The following SFMBT2 variants were observed in gnomAD, a reference collection of about 807,000 sequenced individuals.
SFMBT2 encodes scm-like with four MBT domains protein 2.
In SFMBT2, 38 loss-of-function variants were observed where a neutral mutation model predicts 110.1. The observed-to-expected ratio is 0.35, with a 90% CI of 0.27 to 0.45. The LOEUF is 0.45. Among genes scored for constraint, SFMBT2 ranks in the 20% least tolerant of loss-of-function variants. SFMBT2 has a pLI of 1.00. For synonymous variants in SFMBT2, 425 were observed against 425.4 expected, an observed-to-expected ratio of 1.00 and a Z score of 0.01; for missense variants, 1,011 against 1,094.9, an observed-to-expected ratio of 0.92 and a Z score of 1.08.
chr10:7,392,485 A>AG (rs1845795557), intron 1 of SFMBT2, among the ~76,000 whole-genome samples: 1 of 152,206 alleles, frequency 6.6e-6, no homozygotes, highest in South Asian at 2.1e-4. Flanking sequence ...ACTGCACTCC[A>AG]GCCTGGACAA....
intron 9 of SFMBT2, among the ~76,000 whole-genome samples, chr10:7,233,612 G>A (rs770996735): frequency 6.6e-6 from 1 of 152,218 alleles, no homozygotes; most frequent in South Asian, 2.1e-4. Context: ...GTGCATAAAT[G>A]TTGATGCAAC....
chr10:7,218,694 G>A (rs1159691121), intron 11 of SFMBT2, among the ~76,000 whole-genome samples: 1 of 152,184 alleles, frequency 6.6e-6, no homozygotes, highest in East Asian at 1.9e-4. Flanking sequence ...TCAAAAATCT[G>A]TATTCAAAGA....
At chr10:7,254,497 G>T (rs781334763) in intron 7 of SFMBT2, among the ~76,000 whole-genome samples, 5 of 152,102 alleles carry the variant, frequency 3.3e-5, no homozygotes, top group Non-Finnish European at 5.9e-5. Context: ...GCTTAATTTG[G>T]AAGACGAAAA....
chr10:7,264,055 G>C (rs1841304972), intron 7 of SFMBT2: 1 of 244,082 alleles, frequency 4.1e-6, no homozygotes. Flanking sequence ...GCTATGAGCA[G>C]CATGAACACT....
intron 4 of SFMBT2, among the ~76,000 whole-genome samples, chr10:7,351,333 CTTA>C (rs1343875706): frequency 3.3e-5 from 5 of 152,192 alleles, no homozygotes; most frequent in Admixed American, 3.3e-4. Context: ...AAATACCATC[CTTA>C]ACCAGAAGAA....
At chr10:7,351,507 G>C (rs1011890823) in intron 4 of SFMBT2, among the ~76,000 whole-genome samples, 1 of 152,220 alleles carries the variant, frequency 6.6e-6, no homozygotes, top group Non-Finnish European at 1.5e-5. Flanking sequence ...AAAGTTGAGA[G>C]AGAAAATACC....
At chr10:7,344,497 C>A (rs1237140233) in intron 4 of SFMBT2, among the ~76,000 whole-genome samples, 1 of 152,084 alleles carries the variant, frequency 6.6e-6, no homozygotes, top group Admixed American at 6.6e-5. Context: ...TGTGAGGCTT[C>A]CCCAGCTATG....
chr10:7,228,699 CTTTCTTTCTTTCT>C (rs1056168722), intron 9 of SFMBT2, among the ~76,000 whole-genome samples: 21 of 132,342 alleles, frequency 1.6e-4, no homozygotes, highest in Non-Finnish European at 2.7e-4. Flanking sequence ...TTCTTTCTTT[CTTTCTTTCTTTCT>C]TTCTTTCTTT....
intron 9 of SFMBT2, among the ~76,000 whole-genome samples, chr10:7,242,393 C>A (rs993331904): frequency 6.6e-6 from 1 of 152,178 alleles, no homozygotes; most frequent in Admixed American, 6.5e-5. Context: ...CCAAGCTCTG[C>A]CTGGAGACCT....
At chr10:7,320,605 T>C (rs1338950550) in intron 4 of SFMBT2, 1 of 985,152 alleles carries the variant, frequency 1.0e-6, no homozygotes. Context: ...AGAGCCAATA[T>C]ATGGAATTCC....
chr10:7,291,602 C>T (rs139638884), intron 4 of SFMBT2, among the ~76,000 whole-genome samples: 1 of 152,278 alleles, frequency 6.6e-6, no homozygotes, highest in African/African-American at 2.4e-5. Flanking sequence ...CCTGGAATAT[C>T]TGGCCAACAA....
intron 15 of SFMBT2, among the ~76,000 whole-genome samples, chr10:7,189,595 C>G (rs1008735648): frequency 1.3e-5 from 2 of 152,186 alleles, no homozygotes; most frequent in Admixed American, 1.3e-4. Flanking sequence ...AAAGACCTTA[C>G]AGAACGTGAG....
intron 4 of SFMBT2, among the ~76,000 whole-genome samples, chr10:7,313,179 TAA>T (rs1491460959): frequency 6.7e-6 from 1 of 149,338 alleles, no homozygotes; most frequent in Non-Finnish European, 1.5e-5. Context: ...TTATACATAA[TAA>T]TATATATTAT....
intron 7 of SFMBT2, among the ~76,000 whole-genome samples, chr10:7,259,663 T>C (rs1173075133): frequency 6.6e-6 from 1 of 152,248 alleles, no homozygotes; most frequent in Non-Finnish European, 1.5e-5. Flanking sequence ...AAGTCAGGTA[T>C]CGCTGATGAG....
At chr10:7,169,525 C>T (rs533149888) in intron 20 of SFMBT2, among the ~76,000 whole-genome samples, 1 of 152,302 alleles carries the variant, frequency 6.6e-6, no homozygotes, top group South Asian at 2.1e-4. Flanking sequence ...GAAATATCCT[C>T]TTTCTAGACT....
intron 1 of SFMBT2, among the ~76,000 whole-genome samples, chr10:7,391,836 C>A (rs1364767301): frequency 6.6e-6 from 1 of 151,840 alleles, no homozygotes; most frequent in African/African-American, 2.4e-5. Flanking sequence ...TCCATTTTTT[C>A]ATTTTGCATT....
At chr10:7,343,486 A>C (rs143464841) in intron 4 of SFMBT2, among the ~76,000 whole-genome samples, 1 of 152,282 alleles carries the variant, frequency 6.6e-6, no homozygotes, top group East Asian at 1.9e-4. Flanking sequence ...CAGTGGCTGA[A>C]CTAAGTTACA....
At position 7,243,636 on chromosome 10, in the gene SFMBT2, G is replaced by A. The variant is rs1400589107; in HGVS notation, c.1042C>T (p.Leu348=). The A allele has an allele frequency of 1.1e-6, 1 of 872,858 alleles. No individual in the cohort carries two copies. The allele number at this position is 872,858 out of a possible 1,614,324, so 54.1% of individuals were successfully genotyped here. A position where few individuals can be genotyped will look rare whatever the true frequency, so the allele number is the denominator to read the frequency against. Residue 348 remains leucine (L), a synonymous_variant, in exon 9 of 21, where the codon CTG becomes TTG. Transcript: ENST00000397167. ...ATCCCCAAAGAATCTGCATGGCACA[G>A]CATTGACAGTTTACTTGGTTCAGGT... is the stretch of plus-strand genomic sequence containing the variant. ...LRPEPSKLSM[L]CHADSLGILP...
At chr10:7,262,553 G>A (rs1243795935) in intron 7 of SFMBT2, among the ~76,000 whole-genome samples, 3 of 152,160 alleles carry the variant, frequency 2.0e-5, no homozygotes, top group East Asian at 3.8e-4. Context: ...AGAATTATCC[G>A]CGGTAAGCAG....
Sources: gnomAD v4.1 joint callset for allele counts (sites outside exome capture counted in the v4.1 genomes callset) on GRCh38, gnomAD v4.1.1 for gene constraint, MANE v1.5 for transcripts, NCBI Gene and HGNC (gene_info 2026-07-23, HGNC 2026-07-21) for gene names.